The following ZNF367 variants were observed in gnomAD, a reference collection of about 807,000 sequenced individuals.
ZNF367 encodes C2H2 zinc finger protein ZFF29.
In ZNF367, 11 loss-of-function variants were observed where a neutral mutation model predicts 31.8. The observed-to-expected ratio is 0.35, with a 90% CI of 0.22 to 0.57. The LOEUF (loss-of-function observed/expected upper bound fraction) is 0.57, where lower values mean the gene tolerates loss of function less well. ZNF367 is among the 20% of genes least tolerant of loss of function. ZNF367 has a pLI of 0.85. For missense variants in ZNF367, 353 were observed against 484.1 expected (o/e 0.73, Z 2.54); for synonymous variants, 199 against 202.4 (o/e 0.98, Z 0.14).
At position 96,417,896 on chromosome 9, in the gene ZNF367, C is replaced by A; in HGVS notation, c.137G>T (p.Gly46Val). 1 of 1,522,558 alleles carries A rather than the reference C, an allele frequency of 6.6e-7. No individual in the cohort carries two copies. The highest frequency in any genetic ancestry group is 8.7e-7 in the Non-Finnish European group (1 of 1,143,918). The allele number at this position is 1,522,558 out of a possible 1,614,324, so 94.3% of individuals were successfully genotyped here. A position where few individuals can be genotyped will look rare whatever the true frequency, so the allele number is the denominator to read the frequency against. The change falls in exon 1 of 5, where the codon GGT (glycine) becomes GTT (valine). Residue 46 changes from glycine (G) to valine (V), a missense_variant. Gly to Val is a moderately radical substitution (Grantham distance 109). Transcript: ENST00000375256. The surrounding 1 kb of genome is among the most constrained non-coding windows in gnomAD (Gnocchi z 5.0). ...RTTPIKPTCG[G>V]GGEPEPPPPL... ...CGGCGGCGGCTCCGGCTCCCCTCCACCGCCGCACGTTGGCTTGATCGGGGT... is the reference window on the plus strand; with the variant it reads ...CGGCGGCGGCTCCGGCTCCCCTCCAACGCCGCACGTTGGCTTGATCGGGGT...
intron 1 of ZNF367, among the ~76,000 whole-genome samples, chr9:96,398,691 T>TA (rs1468004530): frequency 2.0e-5 from 3 of 152,118 alleles, no homozygotes; most frequent in Non-Finnish European, 1.5e-5. Flanking sequence ...GCAAACTGAA[T>TA]AAAAAAGCAA....
intron 3 of ZNF367, among the ~76,000 whole-genome samples, chr9:96,393,601 G>A (rs1831496919): frequency 1.3e-5 from 2 of 152,158 alleles, no homozygotes; most frequent in Non-Finnish European, 2.9e-5. Flanking sequence ...GGAGGCCAAG[G>A]TGGACGAATC....
At chr9:96,389,659 T>C (rs34741740) in intron 4 of ZNF367, among the ~76,000 whole-genome samples, 4,330 of 152,316 alleles carry the variant, frequency 0.028, 78 homozygotes, top group Middle Eastern at 0.058. Context: ...TAAAATGTAT[T>C]AAACTGTACA....
Position 96,417,146 on chromosome 9 carries a change from A to C in ZNF367, c.420+467T>G, listed in dbSNP as rs1392490374. On this transcript the variant is annotated intron_variant, in intron 1 of 4. Transcript: ENST00000375256. This position sits in a 1 kb window ranked among gnomAD's most constrained non-coding sequence, Gnocchi z 5.0. ...ACAACTTCAGCCGCAGAACAGGCCC[A>C]GAAGTCCTTTCTTGCTCTTCGGCTG... Among the ~76,000 whole-genome samples the C allele has an allele frequency of 6.6e-6, 1 of 152,246 alleles. No individual in the cohort carries two copies. Among genetic ancestry groups the C allele is most frequent in the Non-Finnish European group, 1.5e-5 (1 of 68,046 alleles).
At chr9:96,406,081 G>A (rs545801580) in intron 1 of ZNF367, among the ~76,000 whole-genome samples, 30 of 152,238 alleles carry the variant, frequency 2.0e-4, no homozygotes, top group African/African-American at 7.2e-4. Context: ...CAGTTTATGG[G>A]AACTCTCTGT....
chr9:96,404,491 G>C (rs1186590899), intron 1 of ZNF367, among the ~76,000 whole-genome samples: 1 of 152,054 alleles, frequency 6.6e-6, no homozygotes, highest in Non-Finnish European at 1.5e-5. Context: ...TACTCGGGAG[G>C]CTGAGGCAGG....
rs1011368402 is a variant in ZNF367 at position 96,417,786 on chromosome 9, T to A, written c.247A>T (p.Ser83Cys). The A allele has an allele frequency of 1.5e-5, 20 of 1,316,532 alleles. No homozygotes were observed. In the African/African-American group the frequency reaches 3.1e-4, roughly 20 times the overall value. 81.6% of individuals were successfully genotyped at this position (1,316,532 alleles called of 1,614,324 possible). Residue 83 changes from serine (S) to cysteine (C), a missense_variant, in exon 1 of 5, where the codon AGC becomes TGC. Around this residue, in one of 5 missense-constraint regions of ZNF367, gnomAD observed 31 missense variants for 58.4 expected, o/e 0.53. Transcript: ENST00000375256. This position sits in a 1 kb window ranked among gnomAD's most constrained non-coding sequence, Gnocchi z 5.0. ...GCGGCGGCCCCCGCGGCCCCAGGGC[T>A]GAGCGTCACGTTGTGTGCGTTCTCG... ...WGENAHNVTLSPGAAGAAASA... is the reference protein window; with the variant it reads ...WGENAHNVTLCPGAAGAAASA...
intron 1 of ZNF367, among the ~76,000 whole-genome samples, chr9:96,416,701 A>G (rs1831835036): frequency 6.6e-6 from 1 of 152,228 alleles, no homozygotes; most frequent in Non-Finnish European, 1.5e-5. Flanking sequence ...TTCTGTTAGC[A>G]CCATTCATTC....
chr9:96,416,474 TTAA>T (rs762356312), intron 1 of ZNF367, among the ~76,000 whole-genome samples: 20 of 152,158 alleles, frequency 1.3e-4, no homozygotes, highest in African/African-American at 4.3e-4. Context: ...TTATAATTAT[TTAA>T]TAATAATGCC....
At chr9:96,390,407 A>G (rs1831458710) in intron 4 of ZNF367, among the ~76,000 whole-genome samples, 1 of 152,172 alleles carries the variant, frequency 6.6e-6, no homozygotes, top group African/African-American at 2.4e-5. Context: ...GTCAGCAGGA[A>G]CCAGGTAAGG....
At chr9:96,405,594 T>A (rs1831663271) in intron 1 of ZNF367, among the ~76,000 whole-genome samples, 1 of 152,132 alleles carries the variant, frequency 6.6e-6, no homozygotes, top group African/African-American at 2.4e-5. Flanking sequence ...CAATGGAATA[T>A]GTATACATAT....
intron 1 of ZNF367, among the ~76,000 whole-genome samples, chr9:96,403,694 A>G (rs1431777421): frequency 6.6e-6 from 1 of 152,220 alleles, no homozygotes; most frequent in Admixed American, 6.5e-5. Flanking sequence ...AATTTAGAGT[A>G]CAGAACCTAA....
Position 96,402,776 on chromosome 9 carries a change from C to A in ZNF367, c.421-4462G>T, listed in dbSNP as rs1301953231. Among the ~76,000 whole-genome samples, 3 of 151,188 alleles carry A rather than the reference C, an allele frequency of 2.0e-5. No individual in the cohort carries two copies. The South Asian group carries it at 6.3e-4, about 32-fold the overall frequency. On this transcript the variant is annotated intron_variant, in intron 1 of 4. Coordinates refer to ENST00000375256, the MANE Select transcript of ZNF367 (RefSeq NM_153695.4). ...CGTGAGCCCCTGTGCCCAGTTAATA[C>A]CCTACTTTCAATAATGAATAAGACA...
rs1372265150 is a variant in ZNF367, at chr9:96,417,953, G to A, written c.80C>T (p.Pro27Leu). 2 of 1,493,300 alleles carry A rather than the reference G, an allele frequency of 1.3e-6. No individual in the cohort carries two copies. Among genetic ancestry groups the A allele is most frequent in the Non-Finnish European group, 1.8e-6 (2 of 1,128,450 alleles). The allele number at this position is 1,493,300 out of a possible 1,614,324, so 92.5% of individuals were successfully genotyped here. ...GATGACCGACACCAGCACCCGCTTCGGGGAGTCGTGGCAGAAGATGACGGG... is the reference window on the plus strand; with the variant it reads ...GATGACCGACACCAGCACCCGCTTCAGGGAGTCGTGGCAGAAGATGACGGG... Reference protein sequence around the residue: ...PPPVIFCHDSPKRVLVSVIRT... With the variant: ...PPPVIFCHDSLKRVLVSVIRT... The change falls in exon 1 of 5, where the codon CCG becomes CTG. Residue 27 changes from proline to leucine, a missense_variant. Physicochemically the swap from Pro to Leu is moderately conservative, Grantham distance 98. Around this residue, in one of 5 missense-constraint regions of ZNF367, gnomAD observed 94 missense variants for 86.7 expected, o/e 1.08. Transcript: ENST00000375256. This position sits in a 1 kb window ranked among gnomAD's most constrained non-coding sequence, Gnocchi z 5.0.
rs1343918966 is a variant in ZNF367, at chr9:96,418,368, G to A, written c.-336C>T. 2 of 308,154 alleles carry A rather than the reference G, an allele frequency of 6.5e-6. No homozygotes were observed. The highest frequency in any genetic ancestry group is 1.2e-5 in the Non-Finnish European group (2 of 168,706). The allele number at this position is 308,154 out of a possible 1,614,324, so 19.1% of individuals were successfully genotyped here. A position where few individuals can be genotyped will look rare whatever the true frequency, so the allele number is the denominator to read the frequency against. On this transcript the variant is annotated 5_prime_UTR_variant, in exon 1 of 5. Transcript: ENST00000375256. ...CCCAAAAATAACAACCTGCCGCCGC[G>A]GTGCCTGCCCCGGCTTTTCCCGCGT...
chr9:96,389,803 C>T (rs1055853982), intron 4 of ZNF367, among the ~76,000 whole-genome samples: 1 of 151,872 alleles, frequency 6.6e-6, no homozygotes, highest in African/African-American at 2.4e-5. Context: ...AATCTTGGCT[C>T]ACTGCAACCT....
At chr9:96,393,295 G>C (rs527674507) in intron 3 of ZNF367, among the ~76,000 whole-genome samples, 4 of 152,016 alleles carry the variant, frequency 2.6e-5, no homozygotes. Context: ...AGGCCGAGGC[G>C]GGTGGATCAC....
chr9:96,418,340 G>GC lies in ZNF367; in HGVS notation c.-309dup. 2.7e-6 allele frequency: 1 copy of GC among 365,466 alleles called. No homozygotes were observed. The highest frequency in any genetic ancestry group is 4.9e-6 in the Non-Finnish European group (1 of 206,132). The allele number at this position is 365,466 out of a possible 1,614,324, so 22.6% of individuals were successfully genotyped here. A position where few individuals can be genotyped will look rare whatever the true frequency, so the allele number is the denominator to read the frequency against. ...AGGAAAGCAGGACGCGCGGCGCTGA[G>GC]CCCCCAAAAATAACAACCTGCCGCC... On this transcript the variant is annotated 5_prime_UTR_variant, in exon 1 of 5. Transcript: ENST00000375256.
intron 1 of ZNF367, among the ~76,000 whole-genome samples, chr9:96,413,840 A>G (rs1831783048): frequency 6.6e-6 from 1 of 152,164 alleles, no homozygotes; most frequent in African/African-American, 2.4e-5. Flanking sequence ...TCAGACGCTG[A>G]CACCTCCCCT....
Sources: allele counts gnomAD v4.1 joint callset (sites outside exome capture counted in the v4.1 genomes callset), GRCh38; gene constraint gnomAD v4.1.1; regional missense constraint gnomAD v4.1.1; non-coding constraint Gnocchi (gnomAD v3.1); transcripts MANE v1.5; gene names NCBI Gene and HGNC (gene_info 2026-07-23, HGNC 2026-07-21).